Variants in MMUT observed in about 807,000 individuals in gnomAD.
MMUT encodes the protein methylmalonyl-CoA mutase, mitochondrial.
A neutral mutation model predicts 79.9 loss-of-function variants in MMUT; 79 were observed. That is an observed-to-expected ratio of 0.99 (90% CI 0.82 to 1.19). The LOEUF (loss-of-function observed/expected upper bound fraction) is 1.19, where lower values mean the gene tolerates loss of function less well. Ranked by LOEUF, MMUT falls within the 50% of genes most tolerant of loss-of-function variation. MMUT has a pLI of 0.00. For missense variants in MMUT, 860 were observed against 917.2 expected (o/e 0.94, Z 0.81); for synonymous variants, 273 against 295.7 (o/e 0.92, Z 0.79).
chr6:49,453,734 C>T lies in MMUT; in HGVS notation c.934G>A (p.Gly312Arg). 1 of 1,612,788 alleles carries T rather than the reference C, an allele frequency of 6.2e-7. No individual in the cohort carries two copies. Among genetic ancestry groups the T allele is most frequent in the South Asian group, 1.1e-5 (1 of 91,044 alleles). The change falls in exon 5 of 13, where the codon GGA (glycine) becomes AGA (arginine). Residue 312 changes from glycine to arginine, a missense_variant. Coordinates refer to ENST00000274813, the MANE Select transcript of MMUT (RefSeq NM_000255.4). ...GCTATTTCCATATAGAAATTCATTC[C>T]AATTCCCCAGAAGAAAGACAACCTA... ...APRLSFFWGI[G>R]MNFYMEIAKM... is the part of the protein sequence containing the mutation.
At position 49,456,182 on chromosome 6, in the gene MMUT, C is replaced by T; in HGVS notation, c.809G>A (p.Gly270Glu). The change falls in exon 4 of 13, where the codon GGG (glycine) becomes GAG (glutamate). Residue 270 changes from glycine to glutamate, a missense_variant. Transcript: ENST00000274813. Reference sequence around the variant, plus strand: ...GGCCAGCTCCAGAATGGCATCAGCCCCTGCTTCCTGCATATGGTATCCACT... The same window carrying T: ...GGCCAGCTCCAGAATGGCATCAGCCTCTGCTTCCTGCATATGGTATCCACT... ...SISGYHMQEAGADAILELAYT... is the reference protein window; with the variant it reads ...SISGYHMQEAEADAILELAYT... 6.2e-7 allele frequency: 1 copy of T among 1,612,172 alleles called. No homozygotes were observed. The highest frequency in any genetic ancestry group is 8.5e-7 in the Non-Finnish European group (1 of 1,178,390).
At chr6:49,441,315 A>G (rs1240220223) in intron 10 of MMUT, among the ~76,000 whole-genome samples, 1 of 152,144 alleles carries the variant, frequency 6.6e-6, no homozygotes, top group African/African-American at 2.4e-5. Flanking sequence ...CTAAATGTTT[A>G]CTTTCAATTA....
At chr6:49,448,958 G>T in intron 6 of MMUT, 31 bp from the exon 7 acceptor site, 2 of 1,400,734 alleles carry the variant, frequency 1.4e-6, no homozygotes, top group Non-Finnish European at 2.0e-6. Context: ...AAAACTAAAA[G>T]AGAATATTAA....
intron 1 of MMUT, among the ~76,000 whole-genome samples, chr6:49,462,569 G>A (rs1169951451): frequency 6.6e-6 from 1 of 152,200 alleles, no homozygotes; most frequent in African/African-American, 2.4e-5. Flanking sequence ...CTGAGAACGA[G>A]TTAGTAATGT....
At chr6:49,459,544 G>T (rs530059325) in intron 1 of MMUT, 39 bp from the exon 2 acceptor site, 150 of 1,497,456 alleles carry the variant, frequency 1.0e-4, no homozygotes, top group Non-Finnish European at 1.3e-4. Flanking sequence ...TTTAGAAGAG[G>T]GGGTGGGAAA....
chr6:49,439,563 G>A (rs995200801), intron 11 of MMUT, among the ~76,000 whole-genome samples: 7 of 152,168 alleles, frequency 4.6e-5, no homozygotes, highest in Non-Finnish European at 8.8e-5. Context: ...TGGGTCACTC[G>A]ATAAATAGGC....
chr6:49,451,528 G>A lies in MMUT; in HGVS notation c.1270C>T (p.Pro424Ser), dbSNP rs373381232. The A allele has an allele frequency of 1.9e-6, 3 of 1,613,872 alleles. No individual in the cohort carries two copies. In the African/African-American group the frequency reaches 4.0e-5, roughly 22 times the overall value. Reference protein sequence around the residue: ...EESGIPKVADPWGGSYMMECL... With the variant: ...EESGIPKVADSWGGSYMMECL... ...TCCATCATGTAAGAACCTCCCCAAG[G>A]ATCAGCCACTTTGGGAATCCCAGAT... Residue 424 changes from proline to serine, a missense_variant, in exon 6 of 13, where the codon CCT becomes TCT. By Grantham distance (74) the Pro-to-Ser change is moderately conservative. Coordinates refer to ENST00000274813, the MANE Select transcript of MMUT (RefSeq NM_000255.4).
chr6:49,457,542 AT>A (rs893192371), intron 3 of MMUT, 148 bp downstream of exon 3: 21 of 651,278 alleles, frequency 3.2e-5, no homozygotes, highest in Non-Finnish European at 5.2e-5. Context: ...AGAACATAAA[AT>A]TAGTACATTA....
chr6:49,435,820 GA>G (rs1321949047), intron 11 of MMUT, among the ~76,000 whole-genome samples, 197 bp from the exon 12 acceptor site: 1 of 152,186 alleles, frequency 6.6e-6, no homozygotes, highest in Non-Finnish European at 1.5e-5. Flanking sequence ...CATCTGCACT[GA>G]AAAGGATACT....
intron 9 of MMUT, among the ~76,000 whole-genome samples, chr6:49,443,597 C>T (rs951721555): frequency 6.6e-6 from 1 of 151,938 alleles, no homozygotes; most frequent in Non-Finnish European, 1.5e-5. Context: ...CAGACTCCTT[C>T]TGGTTCTTAA....
chr6:49,435,357 T>C, intron 12 of MMUT, 99 bp downstream of exon 12: 1 of 1,224,458 alleles, frequency 8.2e-7, no homozygotes, highest in South Asian at 1.3e-5. Context: ...CAGGAAATAA[T>C]ATGTTCCTAA....
In MMUT at chr6:49,447,736, G is replaced by A. The variant is rs752651149; in HGVS notation, c.1494C>T (p.Asp498=). The A allele has an allele frequency of 2.0e-5, 32 of 1,611,410 alleles. No individual in the cohort carries two copies. The highest frequency in any genetic ancestry group is 1.9e-4 in the South Asian group (17 of 90,984). Residue 498 remains aspartate, a synonymous_variant, in exon 8 of 13, where the codon GAC becomes GAT. Transcript: ENST00000274813. ...TATCAATTGCCAGAACTTCTACAGC[G>A]TCTTCTTTTTCCAACTGGTACTTAT... ...GVNKYQLEKE[D]AVEVLAIDNT... is the part of the protein sequence containing the mutation.
intron 7 of MMUT, among the ~76,000 whole-genome samples, chr6:49,448,200 C>G (rs6903490): frequency 5.0e-4 from 76 of 151,924 alleles, no homozygotes; most frequent in African/African-American, 1.7e-3. Context: ...ATTAGTAAAT[C>G]AAAATTACAA....
chr6:49,441,676 A>G (rs1219356610), intron 10 of MMUT, among the ~76,000 whole-genome samples, 164 bp downstream of exon 10: 2 of 146,650 alleles, frequency 1.4e-5, no homozygotes, highest in African/African-American at 2.6e-5. Context: ...ATACTCTATT[A>G]TATGTTATAT....
Position 49,431,574 on chromosome 6 carries a change from T to C in MMUT, c.*154A>G. Reference sequence around the variant, plus strand: ...AAACTGTATGTACATACTTATAGCATGACACCAGGCCTATAAGTAAGGTAT... The same window carrying C: ...AAACTGTATGTACATACTTATAGCACGACACCAGGCCTATAAGTAAGGTAT... On this transcript the variant is annotated 3_prime_UTR_variant, in exon 13 of 13. Coordinates refer to ENST00000274813, the MANE Select transcript of MMUT (RefSeq NM_000255.4). 1 of 716,940 alleles carries C rather than the reference T, an allele frequency of 1.4e-6. No homozygotes were observed. Among genetic ancestry groups the C allele is most frequent in the Non-Finnish European group, 2.3e-6 (1 of 434,002 alleles). 44.4% of individuals were successfully genotyped at this position (716,940 alleles called of 1,614,324 possible).
intron 11 of MMUT, among the ~76,000 whole-genome samples, chr6:49,436,207 G>A (rs1266417525): frequency 2.0e-5 from 3 of 152,136 alleles, no homozygotes; most frequent in Non-Finnish European, 2.9e-5. Context: ...CATTGTAGAC[G>A]ACAGTGTGGT....
At position 49,431,580 on chromosome 6, in the gene MMUT, C is replaced by A; in HGVS notation, c.*148G>T. ...TATGTACATACTTATAGCATGACAC[C>A]AGGCCTATAAGTAAGGTATTTTAAA... is the stretch of plus-strand genomic sequence containing the variant. On this transcript the variant is annotated 3_prime_UTR_variant, in exon 13 of 13. Transcript: ENST00000274813. 1 of 760,306 alleles carries A rather than the reference C, an allele frequency of 1.3e-6. No homozygotes were observed. Among genetic ancestry groups the A allele is most frequent in the Non-Finnish European group, 2.1e-6 (1 of 467,078 alleles). The allele number at this position is 760,306 out of a possible 1,614,324, so 47.1% of individuals were successfully genotyped here.
At chr6:49,455,560 T>G (rs1482886277) in intron 4 of MMUT, among the ~76,000 whole-genome samples, 1 of 152,226 alleles carries the variant, frequency 6.6e-6, no homozygotes, top group Non-Finnish European at 1.5e-5. Context: ...AGCAAGTGAT[T>G]GCTGTACTGA....
At position 49,457,692 on chromosome 6, in the gene MMUT, T is replaced by A. The variant is rs1285413655; in HGVS notation, c.752A>T (p.Lys251Met). The change falls in exon 3 of 13, where the codon AAG (lysine) becomes ATG (methionine). Residue 251 changes from lysine to methionine, a missense_variant and splice_region_variant. Physicochemically the swap from Lys to Met is moderately conservative, Grantham distance 95 (BLOSUM62 -1). Coordinates refer to ENST00000274813, the MANE Select transcript of MMUT (RefSeq NM_000255.4). ...IIADIFEYTA[K>M]HMPKFNSISI... The stretch of plus-strand genomic sequence containing the variant: ...ACCTATAATAACCACAAAGTATACC[T>A]TTGCTGTATATTCAAATATGTCAGC... 3.1e-6 allele frequency: 5 copies of A among 1,609,548 alleles called. No individual in the cohort carries two copies. The highest frequency in any genetic ancestry group is 3.4e-6 in the Non-Finnish European group (4 of 1,178,302).
Sources: gnomAD v4.1 joint callset for allele counts (sites outside exome capture counted in the v4.1 genomes callset) on GRCh38, gnomAD v4.1.1 for gene constraint, MANE v1.5 for transcripts, NCBI Gene and HGNC (gene_info 2026-07-23, HGNC 2026-07-21) for gene names.